Variants in SLC22A15 observed in about 807,000 individuals in gnomAD.
SLC22A15 encodes the protein flipt 1.
SLC22A15 carries 45 observed loss-of-function variants against 62.7 expected under a neutral mutation model. That is an observed-to-expected ratio of 0.72 (90% CI 0.56 to 0.92). The LOEUF is 0.92. Ranked by LOEUF, SLC22A15 falls within the 40% of genes least tolerant of loss-of-function variation. SLC22A15 has a pLI of 0.00. For missense variants in SLC22A15, 622 were observed against 665.6 expected, an observed-to-expected ratio of 0.93 and a Z score of 0.72; for synonymous variants, 264 against 267.0, an observed-to-expected ratio of 0.99 and a Z score of 0.11.
chr1:115,989,238 A>G (rs550057411), intron 1 of SLC22A15, among the ~76,000 whole-genome samples: 1 of 152,252 alleles, frequency 6.6e-6, no homozygotes, highest in African/African-American at 2.4e-5. Context: ...TTCTGCCTGC[A>G]GGTTGCTAGA....
chr1:116,044,934 A>G (rs1001027349), intron 8 of SLC22A15, among the ~76,000 whole-genome samples: 6 of 152,230 alleles, frequency 3.9e-5, no homozygotes, highest in Admixed American at 6.5e-5. Context: ...ATGGACCAGA[A>G]GATATTAAGA....
At chr1:116,034,862 G>A (rs1313048625) in intron 6 of SLC22A15, among the ~76,000 whole-genome samples, 1 of 152,156 alleles carries the variant, frequency 6.6e-6, no homozygotes, top group Non-Finnish European at 1.5e-5. Flanking sequence ...AAAGAATAGG[G>A]TCATTGTGTT....
chr1:116,043,780 T>A (rs935542004), intron 8 of SLC22A15, among the ~76,000 whole-genome samples: 7 of 152,122 alleles, frequency 4.6e-5, no homozygotes, highest in African/African-American at 1.4e-4. Flanking sequence ...AGAGGGGACA[T>A]CACTATAGAA....
chr1:116,036,116 G>T (rs1341288159), intron 7 of SLC22A15, among the ~76,000 whole-genome samples: 1 of 152,162 alleles, frequency 6.6e-6, no homozygotes, highest in Non-Finnish European at 1.5e-5. Flanking sequence ...CTCCCAGGGA[G>T]TGTTCCCAGT....
At chr1:116,032,552 A>G (rs1389325250) in intron 6 of SLC22A15, 1 of 985,206 alleles carries the variant, frequency 1.0e-6, no homozygotes, top group African/African-American at 1.7e-5. Context: ...CTGCAAAGAT[A>G]TTTTTCTATA....
intron 1 of SLC22A15, among the ~76,000 whole-genome samples, chr1:115,979,983 T>C (rs1654534543): frequency 6.7e-6 from 1 of 150,072 alleles, no homozygotes; most frequent in Non-Finnish European, 1.5e-5. Flanking sequence ...TTTTTATATA[T>C]ATATTAAGTA....
chr1:116,000,333 A>T (rs556847478), intron 2 of SLC22A15, among the ~76,000 whole-genome samples: 1 of 152,312 alleles, frequency 6.6e-6, no homozygotes, highest in South Asian at 2.1e-4. Flanking sequence ...ACTGATGACA[A>T]TTTAACTCTG....
chr1:116,045,653 TG>T (rs1185503439), intron 8 of SLC22A15, among the ~76,000 whole-genome samples: 1 of 147,262 alleles, frequency 6.8e-6, no homozygotes, highest in African/African-American at 2.5e-5. Flanking sequence ...GCAGGAGAAT[TG>T]CTTGAACCCG....
chr1:116,065,794 C>A (rs1328190106), intron 10 of SLC22A15, among the ~76,000 whole-genome samples: 1 of 152,136 alleles, frequency 6.6e-6, no homozygotes, highest in African/African-American at 2.4e-5. Flanking sequence ...TAAAGCTTAG[C>A]AGGAATTCTA....
chr1:116,023,455 C>A (rs562900563), intron 4 of SLC22A15, among the ~76,000 whole-genome samples: 15 of 152,256 alleles, frequency 9.9e-5, no homozygotes, highest in African/African-American at 3.6e-4. Flanking sequence ...ACATGTAGTC[C>A]TATTCCCCTA....
At chr1:116,006,807 C>T (rs1656006724) in intron 2 of SLC22A15, among the ~76,000 whole-genome samples, 1 of 152,020 alleles carries the variant, frequency 6.6e-6, no homozygotes, top group African/African-American at 2.4e-5. Flanking sequence ...TTCTCTTTCT[C>T]TTTCTGTATC....
At chr1:116,011,934 G>A (rs868492041) in intron 2 of SLC22A15, among the ~76,000 whole-genome samples, 4 of 152,126 alleles carry the variant, frequency 2.6e-5, no homozygotes, top group Admixed American at 6.5e-5. Context: ...CTGCACGACA[G>A]TGGTCCTACA....
chr1:115,986,697 AC>A (rs1457717772), intron 1 of SLC22A15, among the ~76,000 whole-genome samples: 1 of 152,142 alleles, frequency 6.6e-6, no homozygotes, highest in Non-Finnish European at 1.5e-5. Flanking sequence ...GCAGACTCTT[AC>A]CCCCACCCCA....
Position 116,052,630 on chromosome 1 carries a change from C to T in SLC22A15, c.1172-10132C>T, listed in dbSNP as rs899153532. 6.3e-4 allele frequency among the ~76,000 whole-genome samples: 96 copies of T among 152,328 alleles called. No individual in the cohort carries two copies. In the Middle Eastern group the frequency reaches 0.02, roughly 32 times the overall value. On this transcript the variant is annotated intron_variant, in intron 8 of 11. Coordinates refer to ENST00000369503, the MANE Select transcript of SLC22A15 (RefSeq NM_018420.3). ...AAGTGGGTCCCTGACCCCTGACCCC[C>T]GAGCAGCCTAACTGGGAGGCACCTC...
intron 2 of SLC22A15, among the ~76,000 whole-genome samples, chr1:116,008,974 T>C (rs1277135209): frequency 1.3e-5 from 2 of 152,102 alleles, no homozygotes; most frequent in African/African-American, 2.4e-5. Context: ...TCAAGTACGG[T>C]GGAAGTAGTA....
At chr1:115,992,714 C>T (rs553215381) in intron 2 of SLC22A15, among the ~76,000 whole-genome samples, 44 of 151,270 alleles carry the variant, frequency 2.9e-4, no homozygotes, top group Non-Finnish European at 5.5e-4. Flanking sequence ...CTCTGCCTCC[C>T]GGGTTCAAGC....
At chr1:115,980,932 T>C (rs924604216) in intron 1 of SLC22A15, among the ~76,000 whole-genome samples, 5 of 152,238 alleles carry the variant, frequency 3.3e-5, no homozygotes, top group Admixed American at 3.3e-4. Context: ...TTCATTCTTT[T>C]TTAAAAATCA....
intron 2 of SLC22A15, among the ~76,000 whole-genome samples, chr1:115,996,568 C>G (rs187004873): frequency 1.3e-3 from 193 of 150,366 alleles, no homozygotes; most frequent in Non-Finnish European, 2.2e-3. Flanking sequence ...AGATTCACAT[C>G]TAAATATTTC....
intron 2 of SLC22A15, among the ~76,000 whole-genome samples, chr1:116,005,268 A>G (rs745334913): frequency 5.3e-5 from 8 of 152,096 alleles, no homozygotes; most frequent in Non-Finnish European, 1.0e-4. Context: ...TGACATGCCT[A>G]TCATTTCTGA....
Sources: allele counts gnomAD v4.1 joint callset (sites outside exome capture counted in the v4.1 genomes callset), GRCh38; gene constraint gnomAD v4.1.1; transcripts MANE v1.5; gene names NCBI Gene and HGNC (gene_info 2026-07-23, HGNC 2026-07-21).